The following WRAP53 variants were observed in gnomAD, a reference collection of about 807,000 sequenced individuals.
WRAP53 encodes WD repeat containing antisense to TP53.
A neutral mutation model predicts 56.6 loss-of-function variants in WRAP53; 28 were observed. The observed-to-expected ratio is 0.50, with a 90% CI of 0.37 to 0.68. The LOEUF (loss-of-function observed/expected upper bound fraction) is 0.68. Among genes scored for constraint, WRAP53 ranks in the 30% least tolerant of loss-of-function variants. The probability of loss-of-function intolerance (pLI) is 0.00; values close to 1 mark genes in which losing one functional copy is unlikely to be tolerated. For synonymous variants in WRAP53, 283 were observed against 283.4 expected (o/e 1.00, Z 0.01); for missense variants, 671 against 715.5 (o/e 0.94, Z 0.71).
rs767383199 is a variant in WRAP53, at chr17:7,689,658, C to G, written c.599C>G (p.Pro200Arg). The G allele has an allele frequency of 6.2e-6, 10 of 1,614,074 alleles. No individual in the cohort carries two copies. The highest frequency in any genetic ancestry group is 1.3e-5 in the African/African-American group (1 of 74,922). The change falls in exon 4 of 11, where the codon CCA becomes CGA. Residue 200 changes from proline to arginine, a missense_variant. Pro to Arg is a moderately radical substitution (Grantham distance 103). Coordinates refer to ENST00000396463, the MANE Select transcript of WRAP53 (RefSeq NM_001143992.2). The stretch of plus-strand genomic sequence containing the variant: ...ATCTTGCGAATTTATAACCTGCCCC[C>G]AGAGCTGTACCATGAGGGGGAGCAG... ...DNILRIYNLP[P>R]ELYHEGEQVE...
At chr17:7,699,506 A>ATATATATATT (rs2074242364) in intron 4 of WRAP53, among the ~76,000 whole-genome samples, 2 of 22,958 alleles carry the variant, frequency 8.7e-5, no homozygotes, top group Non-Finnish European at 1.4e-4. Flanking sequence ...ATATATTTAT[A>ATATATATATT]TATATATATA....
chr17:7,702,228 G>T lies in WRAP53; in HGVS notation c.956-116G>T, dbSNP rs903442504. ...TTGTCCTGCTTGTGACAGACAGCAT[G>T]GGGGGGATGTTGAGTCCAAGCATGT... is the stretch of plus-strand genomic sequence containing the variant. On this transcript the variant is annotated intron_variant, in intron 7 of 10. Transcript: ENST00000396463. The surrounding 1 kb of genome is among the most constrained non-coding windows in gnomAD (Gnocchi z 5.0). The T allele has an allele frequency of 2.7e-6, 3 of 1,092,382 alleles. No homozygotes were observed. The highest frequency in any genetic ancestry group is 4.9e-5 in the East Asian group (2 of 40,650). The allele number at this position is 1,092,382 out of a possible 1,614,324, so 67.7% of individuals were successfully genotyped here.
chr17:7,689,439 A>C, intron 3 of WRAP53, 117 bp downstream of exon 3: 1 of 1,278,064 alleles, frequency 7.8e-7, no homozygotes, highest in Non-Finnish European at 1.1e-6. Flanking sequence ...TAGCCCTTTT[A>C]GACTGAGCTT....
Position 7,702,657 on chromosome 17 carries a change from A to T in WRAP53, c.1165-86A>T. ...GGGTGGGGATGGGGAAAAAATCCCAAGCTGAAGGAGTGCCTGGAGACCCCG... is the reference window on the plus strand; with the variant it reads ...GGGTGGGGATGGGGAAAAAATCCCATGCTGAAGGAGTGCCTGGAGACCCCG... On this transcript the variant is annotated intron_variant, in intron 8 of 10. Transcript: ENST00000396463. The surrounding 1 kb of genome is among the most constrained non-coding windows in gnomAD (Gnocchi z 5.0). 5 of 1,597,716 alleles carry T rather than the reference A, an allele frequency of 3.1e-6. No homozygotes were observed. The South Asian group carries it at 5.5e-5, about 18-fold the overall frequency.
chr17:7,691,081 T>C (rs1305014384), intron 4 of WRAP53, among the ~76,000 whole-genome samples: 2 of 151,184 alleles, frequency 1.3e-5, no homozygotes, highest in Non-Finnish European at 3.0e-5. Context: ...TGATGGTGGG[T>C]GCCTGTAATC....
At chr17:7,692,807 A>C (rs11651093) in intron 4 of WRAP53, among the ~76,000 whole-genome samples, 1 of 130,846 alleles carries the variant, frequency 7.6e-6, no homozygotes, top group Non-Finnish European at 1.5e-5. Flanking sequence ...GCTGGAGTGC[A>C]GTGGCGCCAT....
chr17:7,689,225 G>C lies in WRAP53; in HGVS notation c.433G>C (p.Ala145Pro), dbSNP rs147226406. The change falls in exon 3 of 11, where the codon GCT (alanine) becomes CCT (proline). Residue 145 changes from alanine (A) to proline (P), a missense_variant and splice_region_variant. Coordinates refer to ENST00000396463, the MANE Select transcript of WRAP53 (RefSeq NM_001143992.2). ...TATTGTCCCCCATCTTCCTTTCAGC[G>C]CTTGGAACTACAGCTTCTCCCAGCT... ...EPAAEDEGDT[A>P]WNYSFSQLPR... 1.5e-5 allele frequency: 24 copies of C among 1,613,814 alleles called. No homozygotes were observed. Among genetic ancestry groups the C allele is most frequent in the Non-Finnish European group, 2.0e-5 (24 of 1,179,978 alleles).
chr17:7,703,004 T>A lies in WRAP53; in HGVS notation c.1280T>A (p.Phe427Tyr). 6.2e-7 allele frequency: 1 copy of A among 1,613,920 alleles called. No individual in the cohort carries two copies. The highest frequency in any genetic ancestry group is 1.1e-5 in the South Asian group (1 of 91,078). The change falls in exon 10 of 11, where the codon TTC becomes TAC. Residue 427 changes from phenylalanine (F) to tyrosine (Y), a missense_variant. Around this residue, in one of 3 missense-constraint regions of WRAP53, gnomAD observed 158 missense variants for 215.7 expected, o/e 0.73. Transcript: ENST00000396463. Reference protein sequence around the residue: ...IYFDLDPTGQFLVSGSTSGAV... With the variant: ...IYFDLDPTGQYLVSGSTSGAV... Reference sequence around the variant, plus strand: ...CCTCTCTCTCGCAGGACCGGGCAGTTCCTAGTGAGTGGCAGCACGAGCGGG... The same window carrying A: ...CCTCTCTCTCGCAGGACCGGGCAGTACCTAGTGAGTGGCAGCACGAGCGGG...
rs770706285 is a variant in WRAP53, at chr17:7,701,555, G to A, written c.822+6G>A. The A allele has an allele frequency of 4.3e-5, 70 of 1,614,080 alleles. No individual in the cohort carries two copies. Among genetic ancestry groups the A allele is most frequent in the Non-Finnish European group, 5.8e-5 (69 of 1,180,046 alleles). ...TTCGCGCCTACAACCACCTGGTAGG[G>A]ACCGCCATACTCAGCCCCAGCACTC... On this transcript the variant is annotated splice_donor_region_variant and intron_variant, in intron 6 of 10. Transcript: ENST00000396463. This position sits in a 1 kb window ranked among gnomAD's most constrained non-coding sequence, Gnocchi z 4.2.
At chr17:7,695,739 C>A (rs2074175345) in intron 4 of WRAP53, among the ~76,000 whole-genome samples, 1 of 152,144 alleles carries the variant, frequency 6.6e-6, no homozygotes, top group South Asian at 2.1e-4. Flanking sequence ...CTCTCTCATC[C>A]TTTAATCTTT....
rs1431219923 is a variant in WRAP53 at position 7,689,093 on chromosome 17, G to A, written c.431+14G>A. Reference sequence around the variant, plus strand: ...CGAGGGAGACACGTAAGTGGTGATGGCAGTGGAGTGTGGAGTCTGGGGAGA... The same window carrying A: ...CGAGGGAGACACGTAAGTGGTGATGACAGTGGAGTGTGGAGTCTGGGGAGA... On this transcript the variant is annotated intron_variant, in intron 2 of 10. Transcript: ENST00000396463. The A allele has an allele frequency of 1.9e-6, 3 of 1,614,102 alleles. No individual in the cohort carries two copies. Among genetic ancestry groups the A allele is most frequent in the African/African-American group, 1.3e-5 (1 of 75,028 alleles).
intron 5 of WRAP53, 145 bp downstream of exon 5, chr17:7,700,974 C>T: frequency 1.5e-6 from 1 of 659,392 alleles, no homozygotes; most frequent in Non-Finnish European, 2.7e-6. Context: ...GCTTCCTCCC[C>T]TTCCTTTTTT....
intron 4 of WRAP53, among the ~76,000 whole-genome samples, chr17:7,692,493 C>T (rs1340516471): frequency 2.7e-5 from 4 of 150,710 alleles, no homozygotes; most frequent in Non-Finnish European, 4.4e-5. Flanking sequence ...TGGTGGCGGG[C>T]GCCTGTAATC....
intron 4 of WRAP53, among the ~76,000 whole-genome samples, chr17:7,692,805 G>A (rs928434512): frequency 1.5e-5 from 2 of 135,322 alleles, no homozygotes; most frequent in Non-Finnish European, 3.1e-5. Context: ...CAGCTGGAGT[G>A]CAGTGGCGCC....
intron 4 of WRAP53, among the ~76,000 whole-genome samples, chr17:7,695,286 A>C (rs2074167851): frequency 6.6e-6 from 1 of 152,156 alleles, no homozygotes; most frequent in Non-Finnish European, 1.5e-5. Context: ...AGGTCAGAAA[A>C]TTGGGGAAGG....
rs2074283633 is a variant in WRAP53 at position 7,702,142 on chromosome 17, G to A, written c.956-202G>A. The stretch of plus-strand genomic sequence containing the variant: ...GGAAGAACTGGGATTTGAGAGGGAT[G>A]AAGTGGGGCTTGGGCATTTAGGTCC... On this transcript the variant is annotated intron_variant, in intron 7 of 10. Coordinates refer to ENST00000396463, the MANE Select transcript of WRAP53 (RefSeq NM_001143992.2). This position sits in a 1 kb window ranked among gnomAD's most constrained non-coding sequence, Gnocchi z 5.0. The A allele has an allele frequency of 7.1e-6, 5 of 702,928 alleles. No individual in the cohort carries two copies. The South Asian group carries it at 8.4e-5, about 12-fold the overall frequency. 43.5% of individuals were successfully genotyped at this position (702,928 alleles called of 1,614,324 possible).
At position 7,703,405 on chromosome 17, in the gene WRAP53, G is replaced by T. The variant is rs148329158; in HGVS notation, c.1566G>T (p.Ala522=). Residue 522 remains alanine (A), a synonymous_variant, in exon 11 of 11, where the codon GCG becomes GCT. Coordinates refer to ENST00000396463, the MANE Select transcript of WRAP53 (RefSeq NM_001143992.2). ...TTCAGCTCTGGTGGTGTGGGGGGGC[G>T]CCAGACTCCAGCATCCCTGATGATC... is the stretch of plus-strand genomic sequence containing the variant. ...CRLQLWWCGG[A]PDSSIPDDHQ... is the part of the protein sequence containing the mutation. 3.1e-6 allele frequency: 5 copies of T among 1,612,410 alleles called. No individual in the cohort carries two copies. The East Asian group carries it at 1.1e-4, about 36-fold the overall frequency.
At position 7,703,147 on chromosome 17, in the gene WRAP53, A is replaced by G; in HGVS notation, c.1403+20A>G. 6.2e-7 allele frequency: 1 copy of G among 1,613,830 alleles called. No individual in the cohort carries two copies. The highest frequency in any genetic ancestry group is 8.5e-7 in the Non-Finnish European group (1 of 1,179,996). Reference sequence around the variant, plus strand: ...CGTGAGGTCCTCAGTTCAATTCCAGAGATGTTGGGGCTTGGGTTGGGGAGG... The same window carrying G: ...CGTGAGGTCCTCAGTTCAATTCCAGGGATGTTGGGGCTTGGGTTGGGGAGG... On this transcript the variant is annotated intron_variant, in intron 10 of 10. Transcript: ENST00000396463.
Position 7,702,279 on chromosome 17 carries a change from C to G in WRAP53, c.956-65C>G. 1.9e-6 allele frequency: 3 copies of G among 1,569,024 alleles called. No homozygotes were observed. The South Asian group carries it at 3.3e-5, about 17-fold the overall frequency. On this transcript the variant is annotated intron_variant, in intron 7 of 10. Transcript: ENST00000396463. The surrounding 1 kb of genome is among the most constrained non-coding windows in gnomAD (Gnocchi z 5.0). ...TGGTGCTGGGACGGGAGACAGACCT[C>G]TGCTTAGCCTGGTTAGTGCCAGGAG... is the stretch of plus-strand genomic sequence containing the variant.
Sources: gnomAD v4.1 joint callset for allele counts (sites outside exome capture counted in the v4.1 genomes callset) on GRCh38, gnomAD v4.1.1 for gene constraint, gnomAD v4.1.1 regional missense constraint, Gnocchi (gnomAD v3.1) non-coding constraint, MANE v1.5 for transcripts, NCBI Gene and HGNC (gene_info 2026-07-23, HGNC 2026-07-21) for gene names.